The following MANBA variants were observed in gnomAD, a reference collection of about 807,000 sequenced individuals.
The protein encoded by MANBA is beta-mannosidase.
MANBA carries 83 observed loss-of-function variants against 111.1 expected under a neutral mutation model. The observed-to-expected ratio is 0.75, with a 90% CI of 0.63 to 0.90. MANBA has a LOEUF of 0.90. Ranked by LOEUF, MANBA falls within the 40% of genes least tolerant of loss-of-function variation. MANBA has a pLI of 0.00. For missense variants in MANBA, 1,036 were observed against 1,069.0 expected (o/e 0.97, Z 0.43); for synonymous variants, 370 against 378.7 (o/e 0.98, Z 0.27).
chr4:102,631,825 G>A lies in MANBA; in HGVS notation c.*232C>T. On this transcript the variant is annotated 3_prime_UTR_variant, in exon 17 of 17. Coordinates refer to ENST00000647097, the MANE Select transcript of MANBA (RefSeq NM_005908.4). Reference sequence around the variant, plus strand: ...GTGAAGGGCTAAAAACACAGTCCTGGCACAGATTCCAGGACACCCCGGCAC... The same window carrying A: ...GTGAAGGGCTAAAAACACAGTCCTGACACAGATTCCAGGACACCCCGGCAC... 1.6e-6 allele frequency: 1 copy of A among 617,222 alleles called. No homozygotes were observed. Among genetic ancestry groups the A allele is most frequent in the Non-Finnish European group, 2.9e-6 (1 of 347,562 alleles). 38.2% of individuals were successfully genotyped at this position (617,222 alleles called of 1,614,324 possible). A position where few individuals can be genotyped will look rare whatever the true frequency, so the allele number is the denominator to read the frequency against.
At chr4:102,664,503 C>T (rs973713729) in intron 11 of MANBA, among the ~76,000 whole-genome samples, 182 bp downstream of exon 11, 12 of 152,132 alleles carry the variant, frequency 7.9e-5, no homozygotes, top group African/African-American at 2.2e-4. Flanking sequence ...CGCCCGCCAC[C>T]GCGCCCAGCT....
At chr4:102,654,240 G>A (rs891979892) in intron 12 of MANBA, among the ~76,000 whole-genome samples, 1 of 152,082 alleles carries the variant, frequency 6.6e-6, no homozygotes, top group Non-Finnish European at 1.5e-5. Flanking sequence ...TCAGGATACT[G>A]AACTTCATCC....
chr4:102,735,423 C>T (rs1466969923), intron 1 of MANBA, among the ~76,000 whole-genome samples: 2 of 148,966 alleles, frequency 1.3e-5, no homozygotes, highest in Admixed American at 6.8e-5. Flanking sequence ...AGAGAGAGTT[C>T]CTGGGGGAAA....
At chr4:102,722,009 G>A (rs1368110804) in intron 4 of MANBA, among the ~76,000 whole-genome samples, 4 of 139,894 alleles carry the variant, frequency 2.9e-5, no homozygotes, top group South Asian at 2.3e-4. Flanking sequence ...CAGCCTGGGC[G>A]ACAGAGTGTG....
intron 7 of MANBA, among the ~76,000 whole-genome samples, chr4:102,679,027 TCC>T (rs1174101684): frequency 6.6e-6 from 1 of 152,242 alleles, no homozygotes; most frequent in East Asian, 1.9e-4. Context: ...CCTGCTAAAA[TCC>T]TTTTACATGT....
chr4:102,708,718 T>C (rs1721871672), intron 5 of MANBA, among the ~76,000 whole-genome samples: 1 of 151,818 alleles, frequency 6.6e-6, no homozygotes, highest in Non-Finnish European at 1.5e-5. Context: ...GAAAAGTTTG[T>C]TTTTTGAAAA....
chr4:102,695,876 C>G (rs982053705), intron 5 of MANBA, among the ~76,000 whole-genome samples: 6 of 152,096 alleles, frequency 3.9e-5, no homozygotes, highest in Non-Finnish European at 8.8e-5. Context: ...TAAAACAAAG[C>G]ATTCTGGGGG....
intron 1 of MANBA, chr4:102,728,334 G>A (rs1300718853): frequency 1.3e-5 from 7 of 533,770 alleles, no homozygotes; most frequent in African/African-American, 9.6e-5. Context: ...GGGCCCATGA[G>A]GATTCTGTTC....
At chr4:102,727,490 T>G in intron 1 of MANBA, 260 of 1,531,548 alleles carry the variant, frequency 1.7e-4, no homozygotes, top group Middle Eastern at 3.4e-4. Flanking sequence ...ACATGAGAAA[T>G]GAGTCTTCTC....
intron 5 of MANBA, among the ~76,000 whole-genome samples, chr4:102,698,444 T>G (rs1337748682): frequency 6.7e-6 from 1 of 149,590 alleles, no homozygotes; most frequent in Non-Finnish European, 1.5e-5. Context: ...GCCTATGTCC[T>G]GAATGGTAAT....
intron 15 of MANBA, among the ~76,000 whole-genome samples, chr4:102,635,619 T>C (rs886557845): frequency 5.3e-5 from 8 of 152,228 alleles, no homozygotes; most frequent in Admixed American, 1.3e-4. Flanking sequence ...AGTTATTTTA[T>C]TTCCTACTCA....
At chr4:102,693,119 T>C (rs1344953842) in intron 5 of MANBA, among the ~76,000 whole-genome samples, 7 of 152,206 alleles carry the variant, frequency 4.6e-5, no homozygotes, top group Non-Finnish European at 1.0e-4. Context: ...GAGTTAGGTT[T>C]GTTCTGATCC....
At chr4:102,690,504 T>A in intron 6 of MANBA, 92 bp downstream of exon 6, 1 of 1,237,162 alleles carries the variant, frequency 8.1e-7, no homozygotes. Context: ...AAAGTAGAAT[T>A]TTCTTTCATA....
chr4:102,637,584 G>A (rs1030756272), intron 14 of MANBA, among the ~76,000 whole-genome samples: 3 of 152,140 alleles, frequency 2.0e-5, no homozygotes, highest in Non-Finnish European at 2.9e-5. Context: ...CGCCCAAGAG[G>A]ACAGAGTTCA....
At chr4:102,751,331 T>C (rs1308981570) in intron 1 of MANBA, 5 of 348,392 alleles carry the variant, frequency 1.4e-5, no homozygotes, top group Non-Finnish European at 2.3e-5. Flanking sequence ...GAGCGGCCTC[T>C]TTGTAGTTAA....
At chr4:102,740,726 G>A (rs1036601583) in intron 1 of MANBA, among the ~76,000 whole-genome samples, 1 of 152,082 alleles carries the variant, frequency 6.6e-6, no homozygotes, top group South Asian at 2.1e-4. Context: ...ATGATGCTGG[G>A]ATAATTGGCA....
chr4:102,751,000 T>C (rs1391628822), intron 1 of MANBA, among the ~76,000 whole-genome samples: 1 of 152,220 alleles, frequency 6.6e-6, no homozygotes, highest in Non-Finnish European at 1.5e-5. Flanking sequence ...GAATTGATCA[T>C]GTTGAAGCCA....
At chr4:102,635,584 T>A (rs578158429) in intron 15 of MANBA, among the ~76,000 whole-genome samples, 4 of 152,332 alleles carry the variant, frequency 2.6e-5, no homozygotes, top group African/African-American at 9.6e-5. Flanking sequence ...GGGCACATTA[T>A]AGCATATGTG....
chr4:102,671,434 G>GAAA, intron 8 of MANBA, 36 bp from the exon 9 acceptor site: 1 of 1,098,288 alleles, frequency 9.1e-7, no homozygotes, highest in South Asian at 1.5e-5. Flanking sequence ...TCATAATTTG[G>GAAA]AAAAAAAAAA....
Sources: allele counts gnomAD v4.1 joint callset (sites outside exome capture counted in the v4.1 genomes callset), GRCh38; gene constraint gnomAD v4.1.1; transcripts MANE v1.5; gene names NCBI Gene and HGNC (gene_info 2026-07-23, HGNC 2026-07-21).